The following SPMIP3 variants were observed in gnomAD, a reference collection of about 807,000 sequenced individuals.
SPMIP3 encodes protein SPMIP3.
At chr1:244,365,630 A>G in the SPMIP3 span, among the ~76,000 whole-genome samples, 1 of 152,202 alleles carries the variant, frequency 6.6e-6, no homozygotes, top group Non-Finnish European at 1.5e-5. Context: ...AGAAGCCAAC[A>G]TGGTGAATTA....
chr1:244,353,504 T>A, the SPMIP3 span, among the ~76,000 whole-genome samples: 110,195 of 151,674 alleles, frequency 0.73, 40,775 homozygotes, highest in East Asian at 0.95. Flanking sequence ...AATAATAAAA[T>A]GAATAAATCA....
At chr1:244,361,566 G>A in the SPMIP3 span, among the ~76,000 whole-genome samples, 10 of 152,058 alleles carry the variant, frequency 6.6e-5, no homozygotes, top group East Asian at 1.5e-3. Flanking sequence ...AGTGGAATTA[G>A]AATGTTCCTA....
At chr1:244,352,972 G>A in the SPMIP3 span, among the ~76,000 whole-genome samples, 1 of 152,012 alleles carries the variant, frequency 6.6e-6, no homozygotes, top group Admixed American at 6.6e-5. Context: ...TCTTAGAAAC[G>A]GGTACACCTA....
chr1:244,373,079 G>A, the SPMIP3 span, among the ~76,000 whole-genome samples: 9 of 151,796 alleles, frequency 5.9e-5, no homozygotes, highest in Admixed American at 2.0e-4. Flanking sequence ...TTAGTCACAT[G>A]GTCTTCAAAT....
At chr1:244,372,820 A>G in the SPMIP3 span, among the ~76,000 whole-genome samples, 2 of 152,168 alleles carry the variant, frequency 1.3e-5, no homozygotes, top group Non-Finnish European at 2.9e-5. Context: ...AGGCATCACA[A>G]ACTCAATAAA....
At chr1:244,384,139 A>G in the SPMIP3 span, among the ~76,000 whole-genome samples, 1 of 152,226 alleles carries the variant, frequency 6.6e-6, no homozygotes, top group Non-Finnish European at 1.5e-5. Context: ...AAGGAGGGGC[A>G]GGGTGGGGAG....
the SPMIP3 span, chr1:244,378,697 T>C: frequency 1.4e-5 from 21 of 1,527,126 alleles, no homozygotes; most frequent in Non-Finnish European, 1.8e-5. Flanking sequence ...GGCCACAGAT[T>C]AGCATCTCCT....
chr1:244,361,121 G>A, the SPMIP3 span, among the ~76,000 whole-genome samples: 3,233 of 152,108 alleles, frequency 0.021, 191 homozygotes, highest in East Asian at 0.25. Context: ...GGGAATAAAC[G>A]GTGGATGGTT....
chr1:244,359,000 T>G, the SPMIP3 span, among the ~76,000 whole-genome samples: 1 of 152,322 alleles, frequency 6.6e-6, no homozygotes, highest in South Asian at 2.1e-4. Context: ...ATGGTAAGTT[T>G]ACCATATGTT....
the SPMIP3 span, among the ~76,000 whole-genome samples, chr1:244,366,287 G>A: frequency 6.4e-4 from 98 of 152,232 alleles, no homozygotes; most frequent in Admixed American, 1.8e-3. Flanking sequence ...TGATCTTCCT[G>A]CTGCCTTAGT....
chr1:244,375,194 G>T, the SPMIP3 span: 4 of 487,654 alleles, frequency 8.2e-6, no homozygotes, highest in Non-Finnish European at 1.5e-5. Context: ...TGGTAGAAAA[G>T]GGCTGGTTAT....
chr1:244,372,280 C>T, the SPMIP3 span, among the ~76,000 whole-genome samples: 2 of 152,266 alleles, frequency 1.3e-5, no homozygotes, highest in East Asian at 3.9e-4. Context: ...TCTTAGTCAG[C>T]TTTGTATCTG....
the SPMIP3 span, among the ~76,000 whole-genome samples, chr1:244,354,907 G>GA: frequency 6.6e-6 from 1 of 152,208 alleles, no homozygotes. Context: ...TGTTTTAGCA[G>GA]TGACTGTGCT....
the SPMIP3 span, among the ~76,000 whole-genome samples, chr1:244,386,003 A>AACACAC: frequency 1.6e-3 from 235 of 145,748 alleles, no homozygotes; most frequent in African/African-American, 4.2e-3. Flanking sequence ...ATCTCTACAA[A>AACACAC]ACACACACAC....
the SPMIP3 span, chr1:244,376,454 C>A: frequency 5.3e-5 from 4 of 75,440 alleles, no homozygotes; most frequent in Non-Finnish European, 3.8e-5. Flanking sequence ...TCAACAGCAG[C>A]TCATCTCATC....
At chr1:244,381,531 G>A in the SPMIP3 span, among the ~76,000 whole-genome samples, 6 of 152,132 alleles carry the variant, frequency 3.9e-5, no homozygotes, top group African/African-American at 7.2e-5. Flanking sequence ...GTATTGTGCC[G>A]GGACATAGAA....
chr1:244,368,340 G>C, the SPMIP3 span, among the ~76,000 whole-genome samples: 1 of 152,172 alleles, frequency 6.6e-6, no homozygotes, highest in African/African-American at 2.4e-5. Flanking sequence ...CTTACTCTGT[G>C]CCAAGCACTG....
chr1:244,380,422 C>A, the SPMIP3 span, among the ~76,000 whole-genome samples: 2 of 152,158 alleles, frequency 1.3e-5, no homozygotes, highest in Non-Finnish European at 2.9e-5. Flanking sequence ...ACCTGGCCAA[C>A]AGACTTTTAA....
At chr1:244,374,220 C>G in the SPMIP3 span, among the ~76,000 whole-genome samples, 5 of 152,168 alleles carry the variant, frequency 3.3e-5, no homozygotes, top group African/African-American at 1.2e-4. Flanking sequence ...TTGTATTCCA[C>G]TTGTACCACC....
Sources: gnomAD v4.1 joint callset for allele counts (sites outside exome capture counted in the v4.1 genomes callset) on GRCh38, gnomAD v4.1.1 for gene constraint, MANE v1.5 for transcripts, NCBI Gene and HGNC (gene_info 2026-07-23, HGNC 2026-07-21) for gene names.